The following GRK5 variants were observed in gnomAD, a reference collection of about 807,000 sequenced individuals.
GRK5 encodes the protein g protein-coupled receptor kinase GRK5.
Under a neutral mutation model 78.4 loss-of-function variants are expected in GRK5, and 40 were observed. That is an observed-to-expected ratio of 0.51 (90% CI 0.40 to 0.66). GRK5 has a LOEUF of 0.66. Among genes scored for constraint, GRK5 ranks in the 30% least tolerant of loss-of-function variants. GRK5 has a pLI of 0.00. For missense variants in GRK5, 598 were observed against 759.9 expected (o/e 0.79, Z 2.50); for synonymous variants, 289 against 296.8 (o/e 0.97, Z 0.27).
chr10:119,219,743 G>A (rs917384548), intron 1 of GRK5, among the ~76,000 whole-genome samples: 10 of 152,282 alleles, frequency 6.6e-5, no homozygotes, highest in African/African-American at 1.9e-4. Context: ...GTTTGTTTTA[G>A]TCGTTTTGGA....
At chr10:119,402,217 G>A (rs1222342342) in intron 4 of GRK5, among the ~76,000 whole-genome samples, 1 of 152,160 alleles carries the variant, frequency 6.6e-6, no homozygotes, top group Non-Finnish European at 1.5e-5. Flanking sequence ...CCCATCCCTC[G>A]AGCCCCAGGT....
rs184367494 is a variant in GRK5, at chr10:119,430,455, G to T, written c.597+17G>T. ...TTCGGGGAGGTGAGTGAACATTCAC[G>T]TTTTTAATTGAAAGTTCTTACATTC... is the stretch of plus-strand genomic sequence containing the variant. On this transcript the variant is annotated intron_variant, in intron 7 of 15. Coordinates refer to ENST00000392870, the MANE Select transcript of GRK5 (RefSeq NM_005308.3). The surrounding 1 kb of genome is among the most constrained non-coding windows in gnomAD (Gnocchi z 4.5). The T allele has an allele frequency of 6.2e-7, 1 of 1,604,358 alleles. No homozygotes were observed. Among genetic ancestry groups the T allele is most frequent in the Non-Finnish European group, 8.5e-7 (1 of 1,173,328 alleles).
At chr10:119,244,323 CAT>C (rs1446620752) in intron 1 of GRK5, among the ~76,000 whole-genome samples, 1 of 152,330 alleles carries the variant, frequency 6.6e-6, no homozygotes, top group East Asian at 1.9e-4. Context: ...ATTTTTAAAT[CAT>C]GTGTCTGATA....
intron 2 of GRK5, among the ~76,000 whole-genome samples, chr10:119,355,263 A>G (rs946914925): frequency 5.9e-5 from 9 of 152,308 alleles, no homozygotes; most frequent in Admixed American, 5.9e-4. Context: ...TCACAATTTC[A>G]TTATTTTTTC....
intron 3 of GRK5, among the ~76,000 whole-genome samples, chr10:119,382,331 A>G (rs559555136): frequency 3.5e-4 from 54 of 152,308 alleles, no homozygotes; most frequent in African/African-American, 1.2e-3. Flanking sequence ...ACACCTGGGG[A>G]GCCTTAAAAA....
intron 1 of GRK5, among the ~76,000 whole-genome samples, chr10:119,209,617 C>T (rs368569771): frequency 6.6e-6 from 1 of 151,290 alleles, no homozygotes; most frequent in Non-Finnish European, 1.5e-5. Context: ...GAAAACAGCC[C>T]TCCACCTCCC....
chr10:119,347,388 C>G (rs573409174), intron 2 of GRK5, among the ~76,000 whole-genome samples: 5 of 150,212 alleles, frequency 3.3e-5, no homozygotes, highest in Non-Finnish European at 3.0e-5. Context: ...TGTGTGTTTG[C>G]GAGTGTGCAT....
chr10:119,370,902 A>G (rs1851535446), intron 2 of GRK5, among the ~76,000 whole-genome samples: 1 of 151,974 alleles, frequency 6.6e-6, no homozygotes, highest in South Asian at 2.1e-4. Flanking sequence ...GTTAAATAAA[A>G]TAAAATAAAC....
rs529555537 is a variant in GRK5, at chr10:119,306,588, G to T, written c.53-19928G>T. ...GCCGGGGTCCTGGCTGACACTTGCG[G>T]GGCAGAGCACCTTCTCTTGGCCCCG... is the stretch of plus-strand genomic sequence containing the variant. On this transcript the variant is annotated intron_variant, in intron 1 of 15. Coordinates refer to ENST00000392870, the MANE Select transcript of GRK5 (RefSeq NM_005308.3). Among the ~76,000 whole-genome samples, 11 of 152,252 alleles carry T rather than the reference G, an allele frequency of 7.2e-5. No homozygotes were observed. The East Asian group carries it at 2.1e-3, about 29-fold the overall frequency.
At chr10:119,299,511 T>C (rs182798861) in intron 1 of GRK5, among the ~76,000 whole-genome samples, 5 of 152,138 alleles carry the variant, frequency 3.3e-5, no homozygotes, top group African/African-American at 1.2e-4. Context: ...CTTAAGTTCA[T>C]CTAACTCAGT....
At chr10:119,363,335 G>A (rs570447833) in intron 2 of GRK5, among the ~76,000 whole-genome samples, 39 of 151,732 alleles carry the variant, frequency 2.6e-4, no homozygotes, top group African/African-American at 9.4e-4. Context: ...TGCACCAGGA[G>A]CTGTGCTAAG....
chr10:119,242,096 A>G (rs1291168709), intron 1 of GRK5, among the ~76,000 whole-genome samples: 1 of 152,132 alleles, frequency 6.6e-6, no homozygotes, highest in Non-Finnish European at 1.5e-5. Context: ...GTAGAAATTT[A>G]TGCCCTGCTT....
At chr10:119,315,087 C>T (rs1850462719) in intron 1 of GRK5, among the ~76,000 whole-genome samples, 1 of 152,228 alleles carries the variant, frequency 6.6e-6, no homozygotes, top group Non-Finnish European at 1.5e-5. Context: ...GCTCTGCGCC[C>T]TGTCCTGGTG....
chr10:119,292,251 C>T (rs1394479847), intron 1 of GRK5, among the ~76,000 whole-genome samples: 1 of 148,360 alleles, frequency 6.7e-6, no homozygotes, highest in Non-Finnish European at 1.5e-5. Flanking sequence ...CCTCCTTCCC[C>T]TCCTCTTCCT....
At chr10:119,297,084 C>A (rs1185952689) in intron 1 of GRK5, among the ~76,000 whole-genome samples, 1 of 152,228 alleles carries the variant, frequency 6.6e-6, no homozygotes, top group African/African-American at 2.4e-5. Flanking sequence ...GATTTGGTGT[C>A]ATTAAGGGCT....
intron 2 of GRK5, among the ~76,000 whole-genome samples, chr10:119,370,641 G>A (rs927772273): frequency 2.0e-5 from 3 of 152,306 alleles, no homozygotes; most frequent in East Asian, 1.9e-4. Flanking sequence ...CCTTTCAAAC[G>A]TCAGAGAGCT....
rs192607832 is a variant in GRK5, at chr10:119,300,438, G to A, written c.53-26078G>A. ...AGGCAAAAGAGCAGGTGTGAGAAGT[G>A]GGTAAGCAGTCTGTATATTGGGGGT... On this transcript the variant is annotated intron_variant, in intron 1 of 15. Coordinates refer to ENST00000392870, the MANE Select transcript of GRK5 (RefSeq NM_005308.3). 1.5e-3 allele frequency among the ~76,000 whole-genome samples: 227 copies of A among 152,320 alleles called. 1 individual carries two copies. Among genetic ancestry groups the A allele is most frequent in the Admixed American group, 3.1e-3 (48 of 15,300 alleles).
At chr10:119,403,297 G>T (rs1852181777) in intron 4 of GRK5, among the ~76,000 whole-genome samples, 1 of 152,012 alleles carries the variant, frequency 6.6e-6, no homozygotes, top group African/African-American at 2.4e-5. Context: ...CTCCCGAGTA[G>T]CTGGGACTAC....
intron 1 of GRK5, among the ~76,000 whole-genome samples, chr10:119,244,672 T>A (rs536264869): frequency 2.0e-5 from 3 of 152,150 alleles, no homozygotes; most frequent in Non-Finnish European, 1.5e-5. Context: ...AGGTCGAAGC[T>A]GCAGTGAGCT....
Sources: gnomAD v4.1 joint callset for allele counts (sites outside exome capture counted in the v4.1 genomes callset) on GRCh38, gnomAD v4.1.1 for gene constraint, Gnocchi (gnomAD v3.1) non-coding constraint, MANE v1.5 for transcripts, NCBI Gene and HGNC (gene_info 2026-07-23, HGNC 2026-07-21) for gene names.